The following PTMA variants were observed in gnomAD, a reference collection of about 807,000 sequenced individuals.
PTMA encodes the protein prothymosin alpha.
PTMA carries 4 observed loss-of-function variants against 16.9 expected under a neutral mutation model. The observed-to-expected ratio is 0.24, with a 90% CI of 0.12 to 0.54. The LOEUF (loss-of-function observed/expected upper bound fraction) is 0.54, where lower values mean the gene tolerates loss of function less well. Among genes scored for constraint, PTMA ranks in the 20% least tolerant of loss-of-function variants. The pLI, the probability that PTMA is intolerant of heterozygous loss-of-function variation, is 0.95. For synonymous variants in PTMA, 58 were observed against 47.9 expected, an observed-to-expected ratio of 1.21 and a Z score of -0.87; for missense variants, 120 against 137.7, an observed-to-expected ratio of 0.87 and a Z score of 0.64.
At chr2:231,711,609 G>C (rs2048519624) in intron 2 of PTMA, 190 bp downstream of exon 2, 1 of 736,380 alleles carries the variant, frequency 1.4e-6, no homozygotes. Context: ...AAAACCTTTC[G>C]AGCAGCGCCT....
chr2:231,712,538 A>AGG (rs767942467), intron 4 of PTMA, 22 bp downstream of exon 4: 1 of 1,613,260 alleles, frequency 6.2e-7, no homozygotes, highest in Non-Finnish European at 8.5e-7. Context: ...CTTGAGAAGA[A>AGG]GGGGGGTTTG....
In PTMA at chr2:231,712,489, G is replaced by T. The variant is rs764394114; in HGVS notation, c.258G>T (p.Thr86=). 6.2e-7 allele frequency: 1 copy of T among 1,614,066 alleles called. No individual in the cohort carries two copies. The highest frequency in any genetic ancestry group is 8.5e-7 in the Non-Finnish European group (1 of 1,180,032). The stretch of plus-strand genomic sequence containing the variant: ...AAGATGAGGAAGCTGAGTCAGCTAC[G>T]GGCAAGCGGGCAGCTGAAGATGATG... ...GDEDEEAESA[T]GKRAAEDDED... is the part of the protein sequence containing the mutation. Residue 86 remains threonine, a synonymous_variant, in exon 4 of 5, where the codon ACG becomes ACT. Transcript: ENST00000409115.
intron 1 of PTMA, chr2:231,709,943 C>T: frequency 3.0e-6 from 2 of 662,008 alleles, no homozygotes; most frequent in Non-Finnish European, 4.2e-6. Flanking sequence ...GCTCGGGGCC[C>T]GGATCTCCAC....
chr2:231,712,576 G>T, intron 4 of PTMA, 60 bp downstream of exon 4: 1 of 1,554,010 alleles, frequency 6.4e-7, no homozygotes, highest in South Asian at 1.1e-5. Context: ...CCTGCCTTTA[G>T]CTGAGGTGCT....
At chr2:231,710,684 C>T in intron 1 of PTMA, 2 of 412,582 alleles carry the variant, frequency 4.8e-6, no homozygotes, top group South Asian at 3.4e-5. Flanking sequence ...GAGGTGCTGT[C>T]GGGATCCCTA....
chr2:231,712,184 C>T (rs1301352776), intron 3 of PTMA, among the ~76,000 whole-genome samples: 1 of 152,200 alleles, frequency 6.6e-6, no homozygotes, highest in African/African-American at 2.4e-5. Flanking sequence ...CTCACACTCA[C>T]TCGCACACCT....
At chr2:231,711,211 T>G in intron 1 of PTMA, 137 bp from the exon 2 acceptor site, 1 of 695,840 alleles carries the variant, frequency 1.4e-6, no homozygotes, top group East Asian at 2.6e-5. Context: ...CGCAGGGGCA[T>G]CAGGCCTTTC....
chr2:231,709,530 G>A (rs1211143543), intron 1 of PTMA, among the ~76,000 whole-genome samples: 1 of 152,162 alleles, frequency 6.6e-6, no homozygotes, highest in Non-Finnish European at 1.5e-5. Context: ...GGCGACGATG[G>A]GCGCCCCCCG....
intron 3 of PTMA, 32 bp from the exon 4 acceptor site, chr2:231,712,411 G>A (rs199978331): frequency 1.1e-4 from 180 of 1,600,302 alleles, no homozygotes; most frequent in Admixed American, 3.7e-4. Flanking sequence ...TAGGAGGGAA[G>A]TGTGGTTTAC....
In PTMA at chr2:231,713,366, A is replaced by G. The variant is rs375182075; in HGVS notation, c.*515A>G. 2.1e-5 allele frequency: 11 copies of G among 512,064 alleles called. No homozygotes were observed. The highest frequency in any genetic ancestry group is 8.9e-5 in the Admixed American group (4 of 45,002). 31.7% of individuals were successfully genotyped at this position (512,064 alleles called of 1,614,324 possible). A position where few individuals can be genotyped will look rare whatever the true frequency, so the allele number is the denominator to read the frequency against. The stretch of plus-strand genomic sequence containing the variant: ...TTTTGTGTATGTACTTAGCTGTACT[A>G]TAAGTAGTTGGTTTGTATGAGATGG... On this transcript the variant is annotated 3_prime_UTR_variant, in exon 5 of 5. Coordinates refer to ENST00000409115, the MANE Select transcript of PTMA (RefSeq NM_002823.5).
intron 2 of PTMA, 54 bp from the exon 3 acceptor site, chr2:231,711,836 T>C: frequency 1.2e-6 from 2 of 1,600,310 alleles, no homozygotes; most frequent in Non-Finnish European, 1.7e-6. Context: ...GGAGCAACGC[T>C]CTGTCCAGCC....
chr2:231,710,793 AT>A, intron 1 of PTMA: 1 of 319,518 alleles, frequency 3.1e-6, no homozygotes, highest in Non-Finnish European at 6.4e-6. Context: ...CAGCGGTCGG[AT>A]TTGGGGGGTC....
intron 4 of PTMA, 37 bp from the exon 5 acceptor site, chr2:231,712,767 G>T (rs1444461064): frequency 6.3e-7 from 1 of 1,576,798 alleles, no homozygotes; most frequent in Admixed American, 1.9e-5. Flanking sequence ...AGGGCTCCTG[G>T]GGTTGGAGGG....
chr2:231,708,823 C>T (rs576852454), intron 1 of PTMA, 72 bp downstream of exon 1: 25 of 1,536,500 alleles, frequency 1.6e-5, no homozygotes, highest in East Asian at 2.3e-5. Context: ...CGCGCAGCAG[C>T]TGGACTGTCT....
intron 1 of PTMA, chr2:231,710,447 C>A: frequency 8.9e-7 from 1 of 1,125,924 alleles, no homozygotes; most frequent in East Asian, 5.7e-5. Flanking sequence ...GCTTCGGCCG[C>A]CAGGGGGCGA....
chr2:231,712,911 C>T lies in PTMA; in HGVS notation c.*60C>T, dbSNP rs1198424169. The T allele has an allele frequency of 6.7e-7, 1 of 1,495,082 alleles. No homozygotes were observed. The highest frequency in any genetic ancestry group is 2.5e-5 in the East Asian group (1 of 40,688). 92.6% of individuals were successfully genotyped at this position (1,495,082 alleles called of 1,614,324 possible). Reference sequence around the variant, plus strand: ...AAGGCCGCCGTGACCTATTCACCCTCCACTTCCCGTCTCAGAATCTAAACG... The same window carrying T: ...AAGGCCGCCGTGACCTATTCACCCTTCACTTCCCGTCTCAGAATCTAAACG... On this transcript the variant is annotated 3_prime_UTR_variant, in exon 5 of 5. Coordinates refer to ENST00000409115, the MANE Select transcript of PTMA (RefSeq NM_002823.5).
chr2:231,711,783 C>T, intron 2 of PTMA, 107 bp from the exon 3 acceptor site: 2 of 1,545,378 alleles, frequency 1.3e-6, no homozygotes, highest in Non-Finnish European at 1.7e-6. Flanking sequence ...CTTGGCTGGG[C>T]TGTAGATGCA....
At chr2:231,710,303 C>G in intron 1 of PTMA, 1 of 1,258,792 alleles carries the variant, frequency 7.9e-7, no homozygotes, top group Non-Finnish European at 1.0e-6. Context: ...GTCTCCAAGG[C>G]AAGGGACGCA....
chr2:231,709,628 T>TGG (rs746355592), intron 1 of PTMA, among the ~76,000 whole-genome samples: 1 of 151,980 alleles, frequency 6.6e-6, no homozygotes, highest in Non-Finnish European at 1.5e-5. Flanking sequence ...AGGGTCGAAC[T>TGG]GGGGGGGCGC....
Sources: gnomAD v4.1 joint callset for allele counts (sites outside exome capture counted in the v4.1 genomes callset) on GRCh38, gnomAD v4.1.1 for gene constraint, MANE v1.5 for transcripts, NCBI Gene and HGNC (gene_info 2026-07-23, HGNC 2026-07-21) for gene names.